The following IPO11 variants were observed in gnomAD, a reference collection of about 807,000 sequenced individuals.
The protein encoded by IPO11 is importin-11.
Under a neutral mutation model 143.2 loss-of-function variants are expected in IPO11, and 66 were observed. That is an observed-to-expected ratio of 0.46 (90% confidence interval 0.38 to 0.57). The LOEUF (loss-of-function observed/expected upper bound fraction) is 0.57. Ranked by LOEUF, IPO11 falls within the 20% of genes least tolerant of loss-of-function variation. The probability of loss-of-function intolerance (pLI) is 0.00; values close to 1 mark genes in which losing one functional copy is unlikely to be tolerated. For synonymous variants in IPO11, 385 were observed against 377.8 expected (o/e 1.02, Z -0.22); for missense variants, 1,026 against 1,141.0 (o/e 0.90, Z 1.45).
intron 1 of IPO11, among the ~76,000 whole-genome samples, chr5:62,429,596 GT>G (rs1743901528): frequency 7.3e-6 from 1 of 136,158 alleles, no homozygotes; most frequent in African/African-American, 3.4e-5. Context: ...TCGTGTGTGT[GT>G]GTGTGTGTGT....
intron 27 of IPO11, among the ~76,000 whole-genome samples, chr5:62,591,158 TA>T (rs1277699817): frequency 6.6e-6 from 1 of 152,204 alleles, no homozygotes; most frequent in Non-Finnish European, 1.5e-5. Context: ...TTTTACATCC[TA>T]GATTCAAGTC....
At chr5:62,423,387 C>G (rs1389891048) in intron 1 of IPO11, among the ~76,000 whole-genome samples, 1 of 152,052 alleles carries the variant, frequency 6.6e-6, no homozygotes, top group Non-Finnish European at 1.5e-5. Flanking sequence ...TTCCTTTAAA[C>G]AGTTCATGAT....
rs556646048 is a variant in IPO11, at chr5:62,522,219, C to T, written c.1897-3923C>T. 1.6e-3 allele frequency among the ~76,000 whole-genome samples: 235 copies of T among 151,476 alleles called. 1 individual carries two copies. Among genetic ancestry groups the T allele is most frequent in the Non-Finnish European group, 2.6e-3 (179 of 67,944 alleles). On this transcript the variant is annotated intron_variant, in intron 20 of 29. Transcript: ENST00000325324. Reference sequence around the variant, plus strand: ...CATTTTGTCTGTATAAATTTAGGAGCGGACACTAAAAAGCTGAGTGGAGGG... The same window carrying T: ...CATTTTGTCTGTATAAATTTAGGAGTGGACACTAAAAAGCTGAGTGGAGGG...
chr5:62,413,282 A>G (rs977280987), intron 1 of IPO11: 8 of 152,230 alleles, frequency 5.3e-5, no homozygotes, highest in African/African-American at 1.7e-4. Flanking sequence ...ATTTTGAGAT[A>G]AAGTGGTTAT....
chr5:62,546,844 A>G (rs1287986948), intron 24 of IPO11, among the ~76,000 whole-genome samples: 2 of 152,166 alleles, frequency 1.3e-5, no homozygotes, highest in East Asian at 3.8e-4. Context: ...CATTGTCTCT[A>G]GTTTTCTTCT....
intron 9 of IPO11, among the ~76,000 whole-genome samples, chr5:62,480,766 A>C (rs182542872): frequency 6.6e-6 from 1 of 152,092 alleles, no homozygotes; most frequent in East Asian, 1.9e-4. Flanking sequence ...AATGCTTGTG[A>C]TTTTTGCACA....
chr5:62,438,226 A>T (rs1580177205), intron 2 of IPO11, among the ~76,000 whole-genome samples: 1 of 152,210 alleles, frequency 6.6e-6, no homozygotes, highest in East Asian at 1.9e-4. Flanking sequence ...TGGCTAAAAA[A>T]GTTTGAGTTG....
chr5:62,507,395 T>G (rs958209136), intron 19 of IPO11, among the ~76,000 whole-genome samples: 16 of 152,302 alleles, frequency 1.1e-4, no homozygotes, highest in African/African-American at 3.6e-4. Flanking sequence ...TTTGATGGTG[T>G]TTTTTTCAAC....
chr5:62,445,616 A>T (rs1236413589), intron 3 of IPO11, among the ~76,000 whole-genome samples: 1 of 152,226 alleles, frequency 6.6e-6, no homozygotes, highest in East Asian at 1.9e-4. Context: ...CATTTTCAGT[A>T]CAGTGTTCAA....
chr5:62,537,936 T>A (rs1329755119), intron 24 of IPO11, among the ~76,000 whole-genome samples: 2 of 152,122 alleles, frequency 1.3e-5, no homozygotes, highest in African/African-American at 4.8e-5. Flanking sequence ...TACCCCTATT[T>A]GGGTGCAGCA....
chr5:62,465,911 A>G (rs921578948), intron 5 of IPO11, among the ~76,000 whole-genome samples: 4 of 152,262 alleles, frequency 2.6e-5, no homozygotes, highest in African/African-American at 9.6e-5. Context: ...AGATGACTCT[A>G]ATGTGACTTG....
intron 19 of IPO11, among the ~76,000 whole-genome samples, chr5:62,506,727 A>G (rs1741568721): frequency 6.6e-6 from 1 of 152,124 alleles, no homozygotes; most frequent in Admixed American, 6.5e-5. Flanking sequence ...TATTTTTTGC[A>G]GTCTGGTCTG....
intron 27 of IPO11, among the ~76,000 whole-genome samples, chr5:62,582,086 T>C (rs1744589240): frequency 1.3e-5 from 2 of 152,170 alleles, no homozygotes; most frequent in African/African-American, 4.8e-5. Flanking sequence ...AGCTTTATAG[T>C]TACATGCTTT....
At chr5:62,505,132 T>G (rs926529334) in intron 18 of IPO11, among the ~76,000 whole-genome samples, 1 of 152,194 alleles carries the variant, frequency 6.6e-6, no homozygotes, top group East Asian at 1.9e-4. Context: ...TTTTGTCATC[T>G]GTGTTGAAGT....
At chr5:62,517,077 A>G (rs2112288950) in intron 20 of IPO11, among the ~76,000 whole-genome samples, 1 of 152,156 alleles carries the variant, frequency 6.6e-6, no homozygotes, top group African/African-American at 2.4e-5. Context: ...GGGTGCCTGT[A>G]GTCCCAGCTG....
In IPO11 at chr5:62,627,581, A is replaced by G. The variant is rs1746630404; in HGVS notation, c.*263A>G. On this transcript the variant is annotated 3_prime_UTR_variant, in exon 30 of 30. Coordinates refer to ENST00000325324, the MANE Select transcript of IPO11 (RefSeq NM_016338.5). ...ACATGTAAAAGTACATTTGATGACA[A>G]TAGCTGCTTAGTTTCCTGTTAAGAG... The G allele has an allele frequency of 1.4e-5, 4 of 288,406 alleles. No homozygotes were observed. Among genetic ancestry groups the G allele is most frequent in the African/African-American group, 4.3e-5 (2 of 46,218 alleles). 17.9% of individuals were successfully genotyped at this position (288,406 alleles called of 1,614,324 possible).
chr5:62,532,108 T>C (rs539972040), intron 22 of IPO11, among the ~76,000 whole-genome samples: 1 of 152,344 alleles, frequency 6.6e-6, no homozygotes, highest in Non-Finnish European at 1.5e-5. Flanking sequence ...ATTCAGCTGC[T>C]TCCACATATG....
chr5:62,424,233 G>A (rs1006582371), intron 1 of IPO11, among the ~76,000 whole-genome samples: 2 of 151,482 alleles, frequency 1.3e-5, no homozygotes, highest in Non-Finnish European at 2.9e-5. Context: ...TCCGCCTCCC[G>A]GGTTCACGCC....
intron 29 of IPO11, among the ~76,000 whole-genome samples, chr5:62,605,658 T>G (rs1745683198): frequency 6.6e-6 from 1 of 151,742 alleles, no homozygotes; most frequent in Non-Finnish European, 1.5e-5. Flanking sequence ...ATTTCCAAAT[T>G]CTAGTTTTGA....
Sources: gnomAD v4.1 joint callset for allele counts (sites outside exome capture counted in the v4.1 genomes callset) on GRCh38, gnomAD v4.1.1 for gene constraint, MANE v1.5 for transcripts, NCBI Gene and HGNC (gene_info 2026-07-23, HGNC 2026-07-21) for gene names.